The following ZDHHC23 variants were observed in gnomAD, a reference collection of about 807,000 sequenced individuals.
ZDHHC23 encodes zDHHC palmitoyltransferase 23.
ZDHHC23 carries 41 observed loss-of-function variants against 40.2 expected under a neutral mutation model. The observed-to-expected ratio is 1.02, with a 90% CI of 0.79 to 1.32. The LOEUF (loss-of-function observed/expected upper bound fraction) is 1.32. Among genes scored for constraint, ZDHHC23 ranks in the 40% most tolerant of loss-of-function variants. The pLI is 0.00. For missense variants in ZDHHC23, 471 were observed against 541.5 expected (o/e 0.87, Z 1.29); for synonymous variants, 204 against 210.2 (o/e 0.97, Z 0.26).
chr3:113,953,372 A>G (rs935003303), intron 2 of ZDHHC23, among the ~76,000 whole-genome samples: 2 of 152,108 alleles, frequency 1.3e-5, no homozygotes, highest in African/African-American at 4.8e-5. Flanking sequence ...TTAAATTCCC[A>G]TGTTGTCCTC....
Position 113,953,672 on chromosome 3 carries a change from C to T in ZDHHC23, c.162-28C>T, listed in dbSNP as rs555414047. On this transcript the variant is annotated intron_variant, in intron 2 of 4. Transcript: ENST00000638807. ...TTAATTCAACAAACCCACATGAAGT[C>T]CCTCCTCTTTGTGCTTTTTCTGAAT... 30 of 1,577,168 alleles carry T rather than the reference C, an allele frequency of 1.9e-5. No homozygotes were observed. The Admixed American group carries it at 4.7e-4, about 25-fold the overall frequency.
chr3:113,970,559 A>G, the ZDHHC23 span, among the ~76,000 whole-genome samples: 3 of 152,108 alleles, frequency 2.0e-5, no homozygotes, highest in Non-Finnish European at 2.9e-5. Context: ...GGTCCTGGCC[A>G]GGATGTTGAT....
Position 113,960,393 on chromosome 3 carries a change from C to A in ZDHHC23, c.*1763C>A. On this transcript the variant is annotated 3_prime_UTR_variant, in exon 5 of 5. Coordinates refer to ENST00000638807, the MANE Select transcript of ZDHHC23 (RefSeq NM_001320466.2). The stretch of plus-strand genomic sequence containing the variant: ...CCCTGGCCCAGAGCTGAATATTCAT[C>A]TAGAATTAAAGTTGGATTTGATATA... 3 of 1,211,994 alleles carry A rather than the reference C, an allele frequency of 2.5e-6. No homozygotes were observed. Among genetic ancestry groups the A allele is most frequent in the Non-Finnish European group, 3.1e-6 (3 of 972,710 alleles). 75.1% of individuals were successfully genotyped at this position (1,211,994 alleles called of 1,614,324 possible).
intron 2 of ZDHHC23, among the ~76,000 whole-genome samples, chr3:113,950,185 G>A (rs766788291): frequency 2.0e-5 from 3 of 152,122 alleles, no homozygotes; most frequent in Non-Finnish European, 4.4e-5. Context: ...TTATCTCTAA[G>A]TTCTAGTCTT....
chr3:113,959,267 T>A lies in ZDHHC23; in HGVS notation c.*637T>A. 3.7e-6 allele frequency: 4 copies of A among 1,086,102 alleles called. No individual in the cohort carries two copies. The highest frequency in any genetic ancestry group is 3.4e-6 in the Non-Finnish European group (3 of 881,924). 67.3% of individuals were successfully genotyped at this position (1,086,102 alleles called of 1,614,324 possible). On this transcript the variant is annotated 3_prime_UTR_variant, in exon 5 of 5. Transcript: ENST00000638807. ...CAGCATATACCTTGTTGTACAGTTA[T>A]GAGAATTTCTCCTTCTTATTAGACA...
rs1045456205 is a variant in ZDHHC23 at position 113,951,783 on chromosome 3, G to A, written c.162-1917G>A. Among the ~76,000 whole-genome samples, 13 of 152,312 alleles carry A rather than the reference G, an allele frequency of 8.5e-5. 1 individual carries two copies. The highest frequency in any genetic ancestry group is 7.8e-4 in the Admixed American group (12 of 15,298). On this transcript the variant is annotated intron_variant, in intron 2 of 4. Transcript: ENST00000638807. ...TTTCTCATTTGTTACAATATAGACA[G>A]GCTGAGAATTTTCCAAATCTTTGTT...
rs750274447 is a variant in ZDHHC23, at chr3:113,960,797, C to T, written c.*2167C>T. The T allele has an allele frequency of 6.0e-5, 90 of 1,493,788 alleles. 1 individual carries two copies. Among genetic ancestry groups the T allele is most frequent in the South Asian group, 5.2e-4 (37 of 71,760 alleles). The allele number at this position is 1,493,788 out of a possible 1,614,324, so 92.5% of individuals were successfully genotyped here. ...TGTGTATTATTCAGGTTTATTGGCA[C>T]GAAGATACTTGTTTTAAGTTCCTTG... On this transcript the variant is annotated 3_prime_UTR_variant, in exon 5 of 5. Coordinates refer to ENST00000638807, the MANE Select transcript of ZDHHC23 (RefSeq NM_001320466.2).
rs147211338 is a variant in ZDHHC23 at position 113,952,276 on chromosome 3, A to G, written c.162-1424A>G. On this transcript the variant is annotated intron_variant, in intron 2 of 4. Coordinates refer to ENST00000638807, the MANE Select transcript of ZDHHC23 (RefSeq NM_001320466.2). ...TCTTGAGTTCTACTTTCTACCAAAC[A>G]GTAGGACACAAACACAATTCCACTG... 5.9e-3 allele frequency among the ~76,000 whole-genome samples: 902 copies of G among 152,340 alleles called. 11 individuals carry two copies. Among genetic ancestry groups the G allele is most frequent in the African/African-American group, 0.02 (847 of 41,562 alleles).
intron 3 of ZDHHC23, among the ~76,000 whole-genome samples, chr3:113,955,383 T>TGTGTGTGTGTGC: frequency 6.7e-6 from 1 of 148,478 alleles, no homozygotes; most frequent in African/African-American, 2.6e-5. Flanking sequence ...TGTGTGTGTG[T>TGTGTGTGTGTGC]GTGTGTGTGC....
the ZDHHC23 span, among the ~76,000 whole-genome samples, chr3:113,974,234 A>C: frequency 6.6e-6 from 1 of 151,458 alleles, no homozygotes; most frequent in African/African-American, 2.4e-5. Context: ...TGTTGGTTAG[A>C]GTTTACATAT....
At chr3:113,975,003 T>A in the ZDHHC23 span, among the ~76,000 whole-genome samples, 1 of 152,200 alleles carries the variant, frequency 6.6e-6, no homozygotes, top group African/African-American at 2.4e-5. Flanking sequence ...TAAGTATGAT[T>A]TAAGTCACCA....
intron 2 of ZDHHC23, among the ~76,000 whole-genome samples, chr3:113,949,665 C>T (rs185945984): frequency 2.0e-5 from 3 of 152,320 alleles, no homozygotes; most frequent in East Asian, 3.9e-4. Context: ...TTAAAAATCA[C>T]TGTCAATGGA....
the ZDHHC23 span, among the ~76,000 whole-genome samples, chr3:113,973,160 G>A: frequency 6.6e-6 from 1 of 152,212 alleles, no homozygotes; most frequent in South Asian, 2.1e-4. Flanking sequence ...GTGGCAAAAC[G>A]ATTTTCTCAG....
chr3:113,950,801 C>T (rs954674207), intron 2 of ZDHHC23, among the ~76,000 whole-genome samples: 6 of 152,182 alleles, frequency 3.9e-5, no homozygotes, highest in African/African-American at 1.4e-4. Flanking sequence ...AAGTTCTCCT[C>T]CACATGTGAG....
At chr3:113,972,912 G>T in the ZDHHC23 span, among the ~76,000 whole-genome samples, 3 of 152,152 alleles carry the variant, frequency 2.0e-5, no homozygotes, top group South Asian at 4.1e-4. Context: ...TGCTTGGAAT[G>T]TCTTTTTCTA....
chr3:113,978,636 C>G, the ZDHHC23 span: 3 of 597,058 alleles, frequency 5.0e-6, no homozygotes, highest in South Asian at 2.4e-5. Flanking sequence ...TGATAACTTA[C>G]AGTTTATACA....
chr3:113,975,459 T>C, the ZDHHC23 span, among the ~76,000 whole-genome samples: 1 of 152,216 alleles, frequency 6.6e-6, no homozygotes, highest in Non-Finnish European at 1.5e-5. Flanking sequence ...TAAATATTAG[T>C]GTCATTCCTG....
intron 2 of ZDHHC23, 109 bp from the exon 3 acceptor site, chr3:113,953,591 T>C (rs997258102): frequency 3.2e-6 from 3 of 944,438 alleles, no homozygotes; most frequent in Admixed American, 2.8e-5. Flanking sequence ...AAATGCTTGG[T>C]CTTTGGTAGC....
rs1939517424 is a variant in ZDHHC23, at chr3:113,959,301, T to C, written c.*671T>C. 9.1e-7 allele frequency: 1 copy of C among 1,099,136 alleles called. No homozygotes were observed. Among genetic ancestry groups the C allele is most frequent in the African/African-American group, 1.6e-5 (1 of 61,926 alleles). The allele number at this position is 1,099,136 out of a possible 1,614,324, so 68.1% of individuals were successfully genotyped here. ...CTCCTTCTTATTAGACATGAACTACTCAAACAGAGAAGATGACCAGATGGA... is the reference window on the plus strand; with the variant it reads ...CTCCTTCTTATTAGACATGAACTACCCAAACAGAGAAGATGACCAGATGGA... On this transcript the variant is annotated 3_prime_UTR_variant, in exon 5 of 5. Coordinates refer to ENST00000638807, the MANE Select transcript of ZDHHC23 (RefSeq NM_001320466.2).
Sources: gnomAD v4.1 joint callset for allele counts (sites outside exome capture counted in the v4.1 genomes callset) on GRCh38, gnomAD v4.1.1 for gene constraint, MANE v1.5 for transcripts, NCBI Gene and HGNC (gene_info 2026-07-23, HGNC 2026-07-21) for gene names.